Variants in NECTIN2 observed in about 807,000 individuals in gnomAD.
NECTIN2 encodes nectin-2.
Under a neutral mutation model 56.9 loss-of-function variants are expected in NECTIN2, and 23 were observed. That is an observed-to-expected ratio of 0.40 (90% CI 0.29 to 0.57). The LOEUF is 0.57. Ranked by LOEUF, NECTIN2 falls within the 20% of genes least tolerant of loss-of-function variation. The pLI, the probability that NECTIN2 is intolerant of heterozygous loss-of-function variation, is 0.38. For synonymous variants in NECTIN2, 302 were observed against 313.8 expected (o/e 0.96, Z 0.40); for missense variants, 587 against 718.3 (o/e 0.82, Z 2.09).
intron 3 of NECTIN2, among the ~76,000 whole-genome samples, chr19:44,872,790 TTTA>T (rs1428324202): frequency 1.3e-5 from 1 of 79,144 alleles, no homozygotes; most frequent in Non-Finnish European, 2.7e-5. Context: ...TTACATTGTA[TTTA>T]TTATTTATTA....
At position 44,875,457 on chromosome 19, in the gene NECTIN2, G is replaced by A. The variant is rs976147395; in HGVS notation, c.1042+979G>A. Among the ~76,000 whole-genome samples the A allele has an allele frequency of 6.6e-6, 1 of 152,106 alleles. No individual in the cohort carries two copies. Among genetic ancestry groups the A allele is most frequent in the Non-Finnish European group, 1.5e-5 (1 of 68,034 alleles). On this transcript the variant is annotated intron_variant, in intron 5 of 8. Transcript: ENST00000252483. The surrounding 1 kb of genome is among the most constrained non-coding windows in gnomAD (Gnocchi z 4.2). ...AGTTTTGTATTTTTAGTAGAGACAG[G>A]GTTTCACCATATTGGTCAGGCTGGT...
In NECTIN2 at chr19:44,865,264, TGCCCAG is replaced by T; in HGVS notation, c.89-5_89del. 6.2e-7 allele frequency: 1 copy of T among 1,603,368 alleles called. No individual in the cohort carries two copies. Among genetic ancestry groups the T allele is most frequent in the Non-Finnish European group, 8.5e-7 (1 of 1,173,192 alleles). On this transcript the variant is annotated splice_acceptor_variant and splice_polypyrimidine_tract_variant and intron_variant, in intron 1 of 8. Transcript: ENST00000252483. LOFTEE classifies it high-confidence loss of function. The surrounding 1 kb of genome is among the most constrained non-coding windows in gnomAD (Gnocchi z 5.2). ...CGACTACTTCACTCTCTGTCCTCTCTGCCCAGGAGCCCAGGATGTGCGAGTTCAAGT... is the reference window on the plus strand; with the variant it reads ...CGACTACTTCACTCTCTGTCCTCTCTGAGCCCAGGATGTGCGAGTTCAAGT...
Position 44,875,194 on chromosome 19 carries a change from C to T in NECTIN2, c.1042+716C>T, listed in dbSNP as rs1240116393. Reference sequence around the variant, plus strand: ...ACGCTCAAACCCATTGTCACCAAGACACACACCCAGGAGGACAGTGGCACC... The same window carrying T: ...ACGCTCAAACCCATTGTCACCAAGATACACACCCAGGAGGACAGTGGCACC... On this transcript the variant is annotated intron_variant, in intron 5 of 8. Transcript: ENST00000252483. The surrounding 1 kb of genome is among the most constrained non-coding windows in gnomAD (Gnocchi z 4.2). 3.9e-5 allele frequency among the ~76,000 whole-genome samples: 6 copies of T among 152,154 alleles called. No individual in the cohort carries two copies. The highest frequency in any genetic ancestry group is 2.6e-4 in the Admixed American group (4 of 15,270).
chr19:44,879,587 G>A (rs1267018593), intron 5 of NECTIN2, among the ~76,000 whole-genome samples: 2 of 152,140 alleles, frequency 1.3e-5, no homozygotes, highest in African/African-American at 2.4e-5. Context: ...CTCCCTGGGA[G>A]TGGCGGCAGC....
At chr19:44,854,975 G>A (rs1449870325) in intron 1 of NECTIN2, among the ~76,000 whole-genome samples, 2 of 148,850 alleles carry the variant, frequency 1.3e-5, no homozygotes, top group African/African-American at 2.5e-5. Flanking sequence ...AAAATTAGCC[G>A]GGCGTCGTGG....
chr19:44,849,944 G>T (rs1157350561), intron 1 of NECTIN2, among the ~76,000 whole-genome samples: 3 of 152,176 alleles, frequency 2.0e-5, no homozygotes, highest in African/African-American at 7.2e-5. Flanking sequence ...TGGGTAGATT[G>T]TATGGTATGG....
intron 1 of NECTIN2, among the ~76,000 whole-genome samples, chr19:44,862,467 A>AC (rs1969044032): frequency 1.2e-5 from 1 of 81,986 alleles, no homozygotes; most frequent in Non-Finnish European, 2.6e-5. Flanking sequence ...CTGGAACAAT[A>AC]AAAAAAAAAA....
At chr19:44,884,876 A>G (rs1376704214) in intron 6 of NECTIN2, among the ~76,000 whole-genome samples, 1 of 152,254 alleles carries the variant, frequency 6.6e-6, no homozygotes, top group Admixed American at 6.5e-5. Flanking sequence ...TTTGAGGGAC[A>G]GGAAGGCACT....
At chr19:44,888,052 G>A in intron 8 of NECTIN2, 58 bp from the exon 9 acceptor site, 2 of 1,554,920 alleles carry the variant, frequency 1.3e-6, no homozygotes, top group South Asian at 2.4e-5. Context: ...GAGCAGATTG[G>A]TAATCTGTGT....
At position 44,888,510 on chromosome 19, in the gene NECTIN2, C is replaced by T; in HGVS notation, c.*131C>T. 3 of 1,019,652 alleles carry T rather than the reference C, an allele frequency of 2.9e-6. No individual in the cohort carries two copies. Among genetic ancestry groups the T allele is most frequent in the South Asian group, 3.3e-5 (2 of 60,250 alleles). The allele number at this position is 1,019,652 out of a possible 1,614,324, so 63.2% of individuals were successfully genotyped here. Reference sequence around the variant, plus strand: ...ATATGCATTCCATTTGTGATGTCTACCTTGGTGGCTCCACTATGACCCCTA... The same window carrying T: ...ATATGCATTCCATTTGTGATGTCTATCTTGGTGGCTCCACTATGACCCCTA... On this transcript the variant is annotated 3_prime_UTR_variant, in exon 9 of 9. Transcript: ENST00000252483.
chr19:44,857,169 C>T (rs891781765), intron 1 of NECTIN2, among the ~76,000 whole-genome samples: 1 of 151,850 alleles, frequency 6.6e-6, no homozygotes, highest in African/African-American at 2.4e-5. Flanking sequence ...TTGAGGATGG[C>T]CACCCCGGAG....
intron 2 of NECTIN2, among the ~76,000 whole-genome samples, chr19:44,867,875 C>T (rs1009800495): frequency 2.6e-5 from 4 of 151,874 alleles, no homozygotes; most frequent in Non-Finnish European, 4.4e-5. Flanking sequence ...AAAAAATGAC[C>T]GGCAGCAGTA....
chr19:44,887,975 C>T, intron 8 of NECTIN2, 135 bp from the exon 9 acceptor site: 1 of 929,120 alleles, frequency 1.1e-6, no homozygotes, highest in Non-Finnish European at 1.6e-6. Flanking sequence ...AATATGGCCT[C>T]AGGGGACAAG....
intron 1 of NECTIN2, among the ~76,000 whole-genome samples, chr19:44,849,973 G>A (rs1968881548): frequency 6.6e-6 from 1 of 152,206 alleles, no homozygotes; most frequent in African/African-American, 2.4e-5. Context: ...TCTCAATAAA[G>A]CTGTTACAAA....
chr19:44,878,167 CG>C lies in NECTIN2; in HGVS notation c.1042+3690del, dbSNP rs1026177793. On this transcript the variant is annotated intron_variant, in intron 5 of 8. Transcript: ENST00000252483. ...CCCCCTCACTCCCCAGAGCGATCCT[CG>C]TGATCTTGTGTCTCCCTTTCTCTCT... is the stretch of plus-strand genomic sequence containing the variant. 4.8e-6 allele frequency: 3 copies of C among 626,494 alleles called. No homozygotes were observed. In the African/African-American group the frequency reaches 5.6e-5, roughly 12 times the overall value. The allele number at this position is 626,494 out of a possible 1,614,324, so 38.8% of individuals were successfully genotyped here. A position where few individuals can be genotyped will look rare whatever the true frequency, so the allele number is the denominator to read the frequency against.
chr19:44,846,695 C>A, intron 1 of NECTIN2, 82 bp downstream of exon 1: 3 of 1,443,606 alleles, frequency 2.1e-6, no homozygotes, highest in Admixed American at 2.3e-5. Flanking sequence ...GAGCACCTTC[C>A]CCGCCCACCC....
intron 1 of NECTIN2, among the ~76,000 whole-genome samples, chr19:44,857,058 G>A (rs2122641289): frequency 6.6e-6 from 1 of 152,302 alleles, no homozygotes; most frequent in Non-Finnish European, 1.5e-5. Flanking sequence ...GATGGAGGAA[G>A]TTGGGCTTGG....
chr19:44,862,938 G>A (rs1969050315), intron 1 of NECTIN2, among the ~76,000 whole-genome samples: 3 of 149,722 alleles, frequency 2.0e-5, no homozygotes, highest in Non-Finnish European at 4.4e-5. Context: ...CACGAGGTCA[G>A]GAGATTGAGA....
intron 5 of NECTIN2, among the ~76,000 whole-genome samples, chr19:44,878,035 G>T (rs150639620): frequency 0.045 from 6,833 of 151,326 alleles, 169 homozygotes; most frequent in South Asian, 0.09. Context: ...AGGGGCTTCT[G>T]CTTCCCCACC....
Sources: gnomAD v4.1 joint callset for allele counts (sites outside exome capture counted in the v4.1 genomes callset) on GRCh38, gnomAD v4.1.1 for gene constraint, Gnocchi (gnomAD v3.1) non-coding constraint, MANE v1.5 for transcripts, NCBI Gene and HGNC (gene_info 2026-07-23, HGNC 2026-07-21) for gene names.